Variants in KIAA0586 observed in about 807,000 individuals in gnomAD.
KIAA0586 encodes KIAA0586.
Under a neutral mutation model 169.8 loss-of-function variants are expected in KIAA0586, and 144 were observed. The observed-to-expected ratio is 0.85, with a 90% CI of 0.74 to 0.97. The LOEUF (loss-of-function observed/expected upper bound fraction) is 0.97. Among genes scored for constraint, KIAA0586 ranks in the 50% least tolerant of loss-of-function variants. The probability of loss-of-function intolerance (pLI) is 0.00; values close to 1 mark genes in which losing one functional copy is unlikely to be tolerated. For synonymous variants in KIAA0586, 625 were observed against 612.4 expected (o/e 1.02, Z -0.30); for missense variants, 1,854 against 1,823.0 (o/e 1.02, Z -0.31).
intron 20 of KIAA0586, 105 bp downstream of exon 20, chr14:58,477,346 G>A (rs1283147359): frequency 1.1e-5 from 7 of 635,310 alleles, no homozygotes; most frequent in Non-Finnish European, 1.9e-5. Flanking sequence ...AGTAACAAAA[G>A]GTAAGCTCTT....
chr14:58,438,654 C>A (rs991018037), intron 4 of KIAA0586, among the ~76,000 whole-genome samples: 2 of 152,052 alleles, frequency 1.3e-5, no homozygotes, highest in East Asian at 1.9e-4. Context: ...AGCAAGCCTC[C>A]GTTGATAGGT....
rs2140468367 is a variant in KIAA0586, at chr14:58,436,980, G to A, written c.410+4523G>A. 1.3e-5 allele frequency among the ~76,000 whole-genome samples: 2 copies of A among 152,280 alleles called. 1 individual carries two copies. The highest frequency in any genetic ancestry group is 4.1e-4 in the South Asian group (2 of 4,828). ...AATATAAGATAAATGGCAAATCATT[G>A]AAAAGTTTTAAAGAATTAGATATAT... On this transcript the variant is annotated intron_variant, in intron 4 of 30. Transcript: ENST00000652326.
At chr14:58,491,857 A>G (rs1198404837) in intron 25 of KIAA0586, among the ~76,000 whole-genome samples, 1 of 152,258 alleles carries the variant, frequency 6.6e-6, no homozygotes, top group Non-Finnish European at 1.5e-5. Context: ...TTTATGATTC[A>G]TAGTAGCTCA....
At chr14:58,510,547 C>T (rs575454650) in intron 28 of KIAA0586, among the ~76,000 whole-genome samples, 5 of 152,222 alleles carry the variant, frequency 3.3e-5, no homozygotes, top group East Asian at 1.9e-4. Flanking sequence ...GAATGTAAAA[C>T]GATCCAACCC....
At chr14:58,544,361 T>C (rs1375986180) in intron 30 of KIAA0586, among the ~76,000 whole-genome samples, 1 of 152,190 alleles carries the variant, frequency 6.6e-6, no homozygotes, top group Non-Finnish European at 1.5e-5. Flanking sequence ...GTAGACTGAT[T>C]TATATTCCTC....
chr14:58,527,467 T>C (rs1301335383), intron 29 of KIAA0586, among the ~76,000 whole-genome samples: 1 of 152,180 alleles, frequency 6.6e-6, no homozygotes, highest in Non-Finnish European at 1.5e-5. Flanking sequence ...AAGGTTGGGT[T>C]ACCCACAAAA....
intron 20 of KIAA0586, among the ~76,000 whole-genome samples, chr14:58,482,111 C>T (rs2042068885): frequency 6.6e-6 from 1 of 151,602 alleles, no homozygotes; most frequent in Non-Finnish European, 1.5e-5. Flanking sequence ...CGTGCCCGGC[C>T]GGCATCTCTG....
chr14:58,507,769 CATTTATTTATTT>C (rs34225443), intron 27 of KIAA0586, among the ~76,000 whole-genome samples: 18 of 149,536 alleles, frequency 1.2e-4, no homozygotes, highest in Admixed American at 2.0e-4. Flanking sequence ...ACTGAGGTGC[CATTTATTTATTT>C]ATTTATTTAT....
the KIAA0586 span, among the ~76,000 whole-genome samples, chr14:58,557,898 A>T: frequency 1.5e-5 from 1 of 68,188 alleles, no homozygotes; most frequent in East Asian, 2.5e-4. Context: ...AATCCTGAGA[A>T]ATCTTTTTTT....
rs762905862 is a variant in KIAA0586, at chr14:58,448,419, A to G, written c.887A>G (p.Tyr296Cys). The change falls in exon 7 of 31, where the codon TAT becomes TGT. Residue 296 changes from tyrosine to cysteine, a missense_variant. Coordinates refer to ENST00000652326, the MANE Select transcript of KIAA0586 (RefSeq NM_001329943.3). Reference sequence around the variant, plus strand: ...CCCTCCTCCAGAGCAGTGGAAAAGTATTCCGTAAAACCAGAACACCCTAAT... The same window carrying G: ...CCCTCCTCCAGAGCAGTGGAAAAGTGTTCCGTAAAACCAGAACACCCTAAT... ...SMPSSRAVEK[Y>C]SVKPEHPNLG... The G allele has an allele frequency of 9.3e-6, 15 of 1,611,818 alleles. No homozygotes were observed. The highest frequency in any genetic ancestry group is 1.3e-5 in the Non-Finnish European group (15 of 1,178,038).
At chr14:58,444,247 T>A in intron 6 of KIAA0586, 72 bp downstream of exon 6, 1 of 922,694 alleles carries the variant, frequency 1.1e-6, no homozygotes, top group Non-Finnish European at 1.7e-6. Flanking sequence ...TATTCATTGA[T>A]AATTACAGTA....
chr14:58,452,724 T>C (rs2140748393), intron 8 of KIAA0586, among the ~76,000 whole-genome samples: 1 of 152,268 alleles, frequency 6.6e-6, no homozygotes, highest in South Asian at 2.1e-4. Flanking sequence ...AGAGACAGGG[T>C]CTTGCTTTGT....
At chr14:58,529,833 C>T (rs2045845573) in intron 29 of KIAA0586, among the ~76,000 whole-genome samples, 1 of 152,150 alleles carries the variant, frequency 6.6e-6, no homozygotes, top group South Asian at 2.1e-4. Flanking sequence ...TCCGATTCAA[C>T]ACACTACTGG....
At chr14:58,480,732 A>T (rs1467094152) in intron 20 of KIAA0586, among the ~76,000 whole-genome samples, 1 of 152,116 alleles carries the variant, frequency 6.6e-6, no homozygotes, top group Admixed American at 6.6e-5. Flanking sequence ...TCCCAGCTTC[A>T]TAGAGTTTAT....
chr14:58,503,923 G>A (rs890816535), intron 27 of KIAA0586, among the ~76,000 whole-genome samples: 1 of 152,006 alleles, frequency 6.6e-6, no homozygotes, highest in East Asian at 1.9e-4. Flanking sequence ...GTCATGAAAA[G>A]CCCTGGATTA....
intron 1 of KIAA0586, 122 bp downstream of exon 1, chr14:58,428,585 T>A: frequency 1.4e-6 from 1 of 703,858 alleles, no homozygotes; most frequent in Non-Finnish European, 2.3e-6. Flanking sequence ...AAACTGACCC[T>A]GTTTCCCGGG....
chr14:58,527,833 C>T (rs927287340), intron 29 of KIAA0586, among the ~76,000 whole-genome samples: 1 of 152,144 alleles, frequency 6.6e-6, no homozygotes, highest in Non-Finnish European at 1.5e-5. Flanking sequence ...ATCCTAATGA[C>T]AGGATCAAAT....
intron 6 of KIAA0586, among the ~76,000 whole-genome samples, chr14:58,444,738 T>G (rs1268258410): frequency 6.6e-6 from 1 of 151,894 alleles, no homozygotes; most frequent in East Asian, 1.9e-4. Flanking sequence ...TTTTAAGTGC[T>G]TATATCATAT....
chr14:58,466,834 T>G (rs1476784465), intron 15 of KIAA0586, among the ~76,000 whole-genome samples: 5 of 152,224 alleles, frequency 3.3e-5, no homozygotes, highest in African/African-American at 1.2e-4. Context: ...AAGGTACTTT[T>G]TTTTGTACTT....
Sources: allele counts gnomAD v4.1 joint callset (sites outside exome capture counted in the v4.1 genomes callset), GRCh38; gene constraint gnomAD v4.1.1; transcripts MANE v1.5; gene names NCBI Gene and HGNC (gene_info 2026-07-23, HGNC 2026-07-21).